Variants in PLD2 observed in about 807,000 individuals in gnomAD.
PLD2 encodes the protein choline phosphatase 2.
In PLD2, 101 loss-of-function variants were observed where a neutral mutation model predicts 119.8. That is an observed-to-expected ratio of 0.84 (90% CI 0.72 to 0.99). PLD2 has a LOEUF of 0.99. PLD2 is among the 50% of genes least tolerant of loss of function. The pLI, the probability that PLD2 is intolerant of heterozygous loss-of-function variation, is 0.00. For missense variants in PLD2, 1,164 were observed against 1,226.8 expected (o/e 0.95, Z 0.76); for synonymous variants, 494 against 482.8 (o/e 1.02, Z -0.30).
intron 14 of PLD2, among the ~76,000 whole-genome samples, 195 bp from the exon 15 acceptor site, chr17:4,816,425 C>G (rs1906980904): frequency 6.6e-6 from 1 of 151,858 alleles, no homozygotes; most frequent in Non-Finnish European, 1.5e-5. Context: ...AGTCCTTTCC[C>G]CATTTTCACT....
chr17:4,816,646 A>G lies in PLD2; in HGVS notation c.1482A>G (p.Pro494=). The change falls in exon 15 of 25, where the codon CCA becomes CCG. Residue 494 remains proline, a synonymous_variant. Transcript: ENST00000263088. ...CTCCCACCCCGCGCCCAGACTCACCAGCCACCCCAGACCTCTCTCACAACC... is the reference window on the plus strand; with the variant it reads ...CTCCCACCCCGCGCCCAGACTCACCGGCCACCCCAGACCTCTCTCACAACC... ...SQPPTPRPDS[P]ATPDLSHNQF... is the part of the protein sequence containing the mutation. 6.2e-7 allele frequency: 1 copy of G among 1,613,582 alleles called. No homozygotes were observed.
Position 4,808,406 on chromosome 17 carries a change from C to T in PLD2, c.373C>T (p.Pro125Ser), listed in dbSNP as rs1895736275. The change falls in exon 4 of 25, where the codon CCT becomes TCT. Residue 125 changes from proline to serine, a missense_variant. By Grantham distance (74) the Pro-to-Ser change is moderately conservative. Transcript: ENST00000263088. This position sits in a 1 kb window ranked among gnomAD's most constrained non-coding sequence, Gnocchi z 4.1. The stretch of plus-strand genomic sequence containing the variant: ...ACACAAAGTCTTGATGAGTCTGCTC[C>T]CTCTGGCTCGGTGAGGGCGACCGGA... ...LRHKVLMSLLPLARFAVAYSP... is the reference protein window; with the variant it reads ...LRHKVLMSLLSLARFAVAYSP... 8 of 1,613,836 alleles carry T rather than the reference C, an allele frequency of 5.0e-6. No individual in the cohort carries two copies. Among genetic ancestry groups the T allele is most frequent in the Non-Finnish European group, 6.8e-6 (8 of 1,179,858 alleles).
chr17:4,819,009 G>A lies in PLD2; in HGVS notation c.2174-75G>A, dbSNP rs1460197297. On this transcript the variant is annotated intron_variant, in intron 21 of 24. Transcript: ENST00000263088. This position sits in a 1 kb window ranked among gnomAD's most constrained non-coding sequence, Gnocchi z 4.2. ...CAGACTCTATGTAGGAAGAGTTTCT[G>A]GAGTGAGAGGAGGTGGGACAGGGCC... The A allele has an allele frequency of 6.3e-7, 1 of 1,586,610 alleles. No individual in the cohort carries two copies. Among genetic ancestry groups the A allele is most frequent in the Non-Finnish European group, 8.6e-7 (1 of 1,162,384 alleles).
rs1297745862 is a variant in PLD2, at chr17:4,807,951, TG to T, written c.110-31del. 1 of 1,602,522 alleles carries T rather than the reference TG, an allele frequency of 6.2e-7. No individual in the cohort carries two copies. The highest frequency in any genetic ancestry group is 1.3e-5 in the African/African-American group (1 of 74,812). ...GGAGCCAGGGGGCTGGGGCCTGTTGTGGTCTACACTCCTCGACTTTCTTTCC... is the reference window on the plus strand; with the variant it reads ...GGAGCCAGGGGGCTGGGGCCTGTTGTGTCTACACTCCTCGACTTTCTTTCC... On this transcript the variant is annotated intron_variant, in intron 2 of 24. Transcript: ENST00000263088. This position sits in a 1 kb window ranked among gnomAD's most constrained non-coding sequence, Gnocchi z 5.4.
chr17:4,821,257 G>A (rs946233693), intron 23 of PLD2, among the ~76,000 whole-genome samples: 2 of 151,740 alleles, frequency 1.3e-5, no homozygotes, highest in African/African-American at 4.8e-5. Context: ...ATTGGGGAAA[G>A]AACAGAAAAA....
At position 4,807,615 on chromosome 17, in the gene PLD2, G is replaced by A. The variant is rs968392117; in HGVS notation, c.-1-157G>A. 3 of 572,052 alleles carry A rather than the reference G, an allele frequency of 5.2e-6. No individual in the cohort carries two copies. Among genetic ancestry groups the A allele is most frequent in the African/African-American group, 3.7e-5 (2 of 53,390 alleles). 35.4% of individuals were successfully genotyped at this position (572,052 alleles called of 1,614,324 possible). ...AGGGGATGGGGGCTCGAAGGGGTCG[G>A]TGGGGCGTTGCAAACTGGTCAGGCG... On this transcript the variant is annotated intron_variant, in intron 1 of 24. Coordinates refer to ENST00000263088, the MANE Select transcript of PLD2 (RefSeq NM_002663.5). The surrounding 1 kb of genome is among the most constrained non-coding windows in gnomAD (Gnocchi z 5.4).
rs1263580921 is a variant in PLD2, at chr17:4,816,848, C to A, written c.1583-89C>A. The stretch of plus-strand genomic sequence containing the variant: ...TGAGAGGGGTCAACGGTGGTACAGC[C>A]CTCCCTCTGGCAGGCTCTTTCTCCC... On this transcript the variant is annotated intron_variant, in intron 15 of 24. Transcript: ENST00000263088. 5 of 1,582,498 alleles carry A rather than the reference C, an allele frequency of 3.2e-6. No homozygotes were observed. The African/African-American group carries it at 4.0e-5, about 13-fold the overall frequency.
At position 4,819,509 on chromosome 17, in the gene PLD2, G is replaced by A. The variant is rs1907421065; in HGVS notation, c.2389G>A (p.Glu797Lys). 6.2e-7 allele frequency: 1 copy of A among 1,613,998 alleles called. No individual in the cohort carries two copies. Among genetic ancestry groups the A allele is most frequent in the African/African-American group, 1.3e-5 (1 of 74,914 alleles). ...LAVLIEDTETEPSLMNGAEYQ... is the reference protein window; with the variant it reads ...LAVLIEDTETKPSLMNGAEYQ... The stretch of plus-strand genomic sequence containing the variant: ...CGTGCTGATCGAGGACACAGAGACG[G>A]AACCATCCCTCATGAATGGGGCAGA... The change falls in exon 23 of 25, where the codon GAA becomes AAA. Residue 797 changes from glutamate (E) to lysine (K), a missense_variant. Glu to Lys is a moderately conservative substitution (Grantham distance 56). Coordinates refer to ENST00000263088, the MANE Select transcript of PLD2 (RefSeq NM_002663.5). The surrounding 1 kb of genome is among the most constrained non-coding windows in gnomAD (Gnocchi z 4.2).
Position 4,819,662 on chromosome 17 carries a change from C to A in PLD2, c.2462+80C>A. ...TTGAGCAGGACAAGAGGTAGCACCGCATAGGTACTCCCGGAGCCAGAGGTA... is the reference window on the plus strand; with the variant it reads ...TTGAGCAGGACAAGAGGTAGCACCGAATAGGTACTCCCGGAGCCAGAGGTA... On this transcript the variant is annotated intron_variant, in intron 23 of 24. Coordinates refer to ENST00000263088, the MANE Select transcript of PLD2 (RefSeq NM_002663.5). The surrounding 1 kb of genome is among the most constrained non-coding windows in gnomAD (Gnocchi z 4.2). The A allele has an allele frequency of 1.5e-6, 2 of 1,343,592 alleles. No homozygotes were observed. The highest frequency in any genetic ancestry group is 2.0e-6 in the Non-Finnish European group (2 of 978,726). 83.2% of individuals were successfully genotyped at this position (1,343,592 alleles called of 1,614,324 possible). A position where few individuals can be genotyped will look rare whatever the true frequency, so the allele number is the denominator to read the frequency against.
chr17:4,815,928 C>G lies in PLD2; in HGVS notation c.1449C>G (p.Ala483=). ...TTGGAGACTCCTCTGAATCAGCTGC[C>G]TCCCAGGTAATCCCCCTGAGGCCTT... is the stretch of plus-strand genomic sequence containing the variant. The part of the protein sequence containing the change: ...TDLGDSSESA[A]SQPPTPRPDS... Residue 483 remains alanine (A), a synonymous_variant, in exon 14 of 25, where the codon GCC becomes GCG. Coordinates refer to ENST00000263088, the MANE Select transcript of PLD2 (RefSeq NM_002663.5). 1 of 1,612,888 alleles carries G rather than the reference C, an allele frequency of 6.2e-7. No homozygotes were observed. The highest frequency in any genetic ancestry group is 1.7e-5 in the Admixed American group (1 of 59,974).
Position 4,816,761 on chromosome 17 carries a change from C to T in PLD2, c.1582+15C>T. 1 of 1,614,186 alleles carries T rather than the reference C, an allele frequency of 6.2e-7. No individual in the cohort carries two copies. Among genetic ancestry groups the T allele is most frequent in the Non-Finnish European group, 8.5e-7 (1 of 1,180,002 alleles). ...GCCTTTCGAAGGTGAAGCCTCCCAC[C>T]CGCCAAAGCCCCAGAGAGCTGAGAG... On this transcript the variant is annotated intron_variant, in intron 15 of 24. Coordinates refer to ENST00000263088, the MANE Select transcript of PLD2 (RefSeq NM_002663.5).
chr17:4,821,850 T>C lies in PLD2; in HGVS notation c.2520T>C (p.Asp840=). The C allele has an allele frequency of 1.2e-6, 2 of 1,614,080 alleles. No individual in the cohort carries two copies. Among genetic ancestry groups the C allele is most frequent in the Non-Finnish European group, 1.7e-6 (2 of 1,179,996 alleles). The change falls in exon 24 of 25, where the codon GAT becomes GAC. Residue 840 remains aspartate, a synonymous_variant. Coordinates refer to ENST00000263088, the MANE Select transcript of PLD2 (RefSeq NM_002663.5). ...PDLDLRDPIC[D]DFFQLWQDMA... The stretch of plus-strand genomic sequence containing the variant: ...TGGATCTCCGAGACCCCATCTGTGA[T>C]GACTTCTTCCAGTTGTGGCAAGACA...
chr17:4,822,659 C>G lies in PLD2; in HGVS notation c.2597C>G (p.Ser866Cys), dbSNP rs749154436. 6.2e-7 allele frequency: 1 copy of G among 1,610,018 alleles called. No individual in the cohort carries two copies. The highest frequency in any genetic ancestry group is 1.1e-5 in the South Asian group (1 of 90,996). ...CCACAGATCTTCCGCTGCCTGCCATCCAATGCCACGCGTTCCCTGCGGACT... is the reference window on the plus strand; with the variant it reads ...CCACAGATCTTCCGCTGCCTGCCATGCAATGCCACGCGTTCCCTGCGGACT... ...IYEQIFRCLPSNATRSLRTLR... is the reference protein window; with the variant it reads ...IYEQIFRCLPCNATRSLRTLR... Residue 866 changes from serine to cysteine, a missense_variant, in exon 25 of 25, where the codon TCC (serine) becomes TGC (cysteine). Coordinates refer to ENST00000263088, the MANE Select transcript of PLD2 (RefSeq NM_002663.5).
At chr17:4,816,517 C>T in intron 14 of PLD2, 103 bp from the exon 15 acceptor site, 1 of 1,216,786 alleles carries the variant, frequency 8.2e-7, no homozygotes, top group Non-Finnish European at 1.2e-6. Flanking sequence ...TTCATTCTTC[C>T]TCTCGGTCTC....
intron 12 of PLD2, among the ~76,000 whole-genome samples, chr17:4,815,110 G>A (rs148970318): frequency 2.3e-3 from 352 of 152,226 alleles, no homozygotes; most frequent in African/African-American, 8.3e-3. Context: ...TGGCTGGGCA[G>A]GTGGATGGAT....
chr17:4,812,025 G>GT lies in PLD2; in HGVS notation c.1010+1075dup, dbSNP rs1906522744. Reference sequence around the variant, plus strand: ...ACAAAAAATTTTAAAAATTAGACGGGTGTGGTCTCGAACTCCTGGGCTCAA... The same window carrying GT: ...ACAAAAAATTTTAAAAATTAGACGGGTTGTGGTCTCGAACTCCTGGGCTCAA... On this transcript the variant is annotated intron_variant, in intron 10 of 24. Coordinates refer to ENST00000263088, the MANE Select transcript of PLD2 (RefSeq NM_002663.5). Among the ~76,000 whole-genome samples, 3 of 151,038 alleles carry GT rather than the reference G, an allele frequency of 2.0e-5. No individual in the cohort carries two copies. In the South Asian group the frequency reaches 6.3e-4, roughly 32 times the overall value.
At position 4,816,631 on chromosome 17, in the gene PLD2, G is replaced by A. The variant is rs748787502; in HGVS notation, c.1467G>A (p.Pro489=). Residue 489 remains proline (P), a synonymous_variant, in exon 15 of 25, where the codon CCG becomes CCA. Transcript: ENST00000263088. ...SESAASQPPT[P]RPDSPATPDL... ...TGTTCCCCCTACAGCCTCCCACCCC[G>A]CGCCCAGACTCACCAGCCACCCCAG... 68 of 1,613,262 alleles carry A rather than the reference G, an allele frequency of 4.2e-5. No homozygotes were observed. In the Admixed American group the frequency reaches 6.5e-4, roughly 15 times the overall value.
chr17:4,811,593 C>T (rs1286771713), intron 10 of PLD2, among the ~76,000 whole-genome samples: 1 of 151,994 alleles, frequency 6.6e-6, no homozygotes, highest in East Asian at 1.9e-4. Context: ...AAACATTTTT[C>T]TAAGCACCTA....
intron 10 of PLD2, among the ~76,000 whole-genome samples, chr17:4,812,667 G>A (rs1455242112): frequency 1.3e-5 from 2 of 152,134 alleles, no homozygotes; most frequent in Non-Finnish European, 2.9e-5. Flanking sequence ...GCAGGGTATG[G>A]GGAAATGATT....
Sources: gnomAD v4.1 joint callset for allele counts (sites outside exome capture counted in the v4.1 genomes callset) on GRCh38, gnomAD v4.1.1 for gene constraint, Gnocchi (gnomAD v3.1) non-coding constraint, MANE v1.5 for transcripts, NCBI Gene and HGNC (gene_info 2026-07-23, HGNC 2026-07-21) for gene names.